Variants in KIF6 observed in about 807,000 individuals in gnomAD.
The protein encoded by KIF6 is kinesin-like protein KIF6.
Under a neutral mutation model 112.7 loss-of-function variants are expected in KIF6, and 106 were observed. The ratio of observed to expected loss-of-function variants is 0.94; its 90% CI spans 0.80 to 1.11. The LOEUF is 1.11. Ranked by LOEUF, KIF6 falls within the 50% of genes least tolerant of loss-of-function variation. The pLI is 0.00. For missense variants in KIF6, 929 were observed against 964.0 expected, an observed-to-expected ratio of 0.96 and a Z score of 0.48; for synonymous variants, 339 against 339.9, an observed-to-expected ratio of 1.00 and a Z score of 0.03.
chr6:39,353,035 T>G (rs1353543836), intron 19 of KIF6, among the ~76,000 whole-genome samples: 1 of 152,212 alleles, frequency 6.6e-6, no homozygotes. Context: ...TTCTGTTTTT[T>G]TTTGTGGACA....
chr6:39,642,952 C>T (rs1193314782), intron 3 of KIF6, among the ~76,000 whole-genome samples: 1 of 152,032 alleles, frequency 6.6e-6, no homozygotes, highest in Non-Finnish European at 1.5e-5. Flanking sequence ...TGTATGTAGG[C>T]TGGGAGATGG....
Position 39,331,906 on chromosome 6 carries a change from T to G in KIF6, c.*4626A>C, listed in dbSNP as rs549030915. 1.3e-5 allele frequency: 2 copies of G among 152,180 alleles called. No individual in the cohort carries two copies. Among genetic ancestry groups the G allele is most frequent in the Non-Finnish European group, 2.9e-5 (2 of 68,010 alleles). 9.4% of individuals were successfully genotyped at this position (152,180 alleles called of 1,614,324 possible). A position where few individuals can be genotyped will look rare whatever the true frequency, so the allele number is the denominator to read the frequency against. ...TTAAAAAATGTTTCTGTCTATTTAC[T>G]CTATCAACTGTGCCATGCCTGGGGC... On this transcript the variant is annotated 3_prime_UTR_variant, in exon 23 of 23. Coordinates refer to ENST00000287152, the MANE Select transcript of KIF6 (RefSeq NM_145027.6).
intron 3 of KIF6, among the ~76,000 whole-genome samples, chr6:39,661,721 T>C (rs997469129): frequency 6.6e-6 from 1 of 152,134 alleles, no homozygotes; most frequent in African/African-American, 2.4e-5. Context: ...AGGAGTACCC[T>C]GGGAGAACAA....
At chr6:39,385,167 C>A (rs1767304185) in intron 16 of KIF6, among the ~76,000 whole-genome samples, 1 of 152,214 alleles carries the variant, frequency 6.6e-6, no homozygotes, top group African/African-American at 2.4e-5. Flanking sequence ...CTGGTAAATG[C>A]ACTTACCTCT....
In KIF6 at chr6:39,444,816, G is replaced by C. The variant is rs62402234; in HGVS notation, c.1646-13655C>G. Among the ~76,000 whole-genome samples, 248 of 151,560 alleles carry C rather than the reference G, an allele frequency of 1.6e-3. 2 individuals carry two copies. Among genetic ancestry groups the C allele is most frequent in the Non-Finnish European group, 2.7e-3 (186 of 67,946 alleles). On this transcript the variant is annotated intron_variant, in intron 13 of 22. Transcript: ENST00000287152. The stretch of plus-strand genomic sequence containing the variant: ...CTGATATCAGACCTAAGGGTCAGAA[G>C]GTCAGAGATGGTTAAAAAAAAAAAA...
At chr6:39,637,881 C>T (rs1419946034) in intron 4 of KIF6, among the ~76,000 whole-genome samples, 1 of 151,990 alleles carries the variant, frequency 6.6e-6, no homozygotes, top group Non-Finnish European at 1.5e-5. Context: ...TAGGATCATT[C>T]AGAATGAAAT....
At chr6:39,454,531 CA>C (rs560119968) in intron 13 of KIF6, among the ~76,000 whole-genome samples, 8,033 of 75,954 alleles carry the variant, frequency 0.11, 277 homozygotes, top group African/African-American at 0.18. Flanking sequence ...CTGAGAGCAT[CA>C]AAAAAAAAAA....
rs182545789 is a variant in KIF6, at chr6:39,510,358, C to T, written c.1645+29645G>A. 1.0e-3 allele frequency among the ~76,000 whole-genome samples: 158 copies of T among 152,292 alleles called. 2 individuals carry two copies. The highest frequency in any genetic ancestry group is 3.6e-3 in the African/African-American group (148 of 41,560). On this transcript the variant is annotated intron_variant, in intron 13 of 22. Transcript: ENST00000287152. ...CCATCTGCCTCAGCCTCCCAAAGTG[C>T]TGGGATTACAGGCGTGAGCCACCAC... is the stretch of plus-strand genomic sequence containing the variant.
chr6:39,548,063 T>C (rs957561735), intron 10 of KIF6, among the ~76,000 whole-genome samples: 11 of 152,240 alleles, frequency 7.2e-5, no homozygotes, highest in African/African-American at 2.7e-4. Flanking sequence ...GAAAGCACTT[T>C]GTGATTTCCA....
intron 3 of KIF6, among the ~76,000 whole-genome samples, chr6:39,643,229 G>C (rs1784999943): frequency 6.6e-6 from 1 of 152,148 alleles, no homozygotes. Context: ...TCTTAACACT[G>C]TGTAGATGGC....
At chr6:39,561,634 G>A (rs1450814116) in intron 10 of KIF6, among the ~76,000 whole-genome samples, 4 of 152,100 alleles carry the variant, frequency 2.6e-5, no homozygotes, top group Non-Finnish European at 5.9e-5. Flanking sequence ...TGAGATTACA[G>A]GTGTGAGCCG....
intron 6 of KIF6, among the ~76,000 whole-genome samples, chr6:39,598,272 C>A (rs1582235061): frequency 6.6e-6 from 1 of 151,932 alleles, no homozygotes; most frequent in African/African-American, 2.4e-5. Flanking sequence ...GACTAGGTAA[C>A]TCATAAGGAA....
intron 15 of KIF6, among the ~76,000 whole-genome samples, chr6:39,408,349 C>T (rs1412550804): frequency 1.3e-5 from 2 of 152,144 alleles, no homozygotes; most frequent in Non-Finnish European, 2.9e-5. Context: ...TATACTGTTG[C>T]TCCCCCTAAT....
intron 13 of KIF6, among the ~76,000 whole-genome samples, chr6:39,443,692 C>G (rs915316163): frequency 6.6e-6 from 1 of 152,134 alleles, no homozygotes; most frequent in Non-Finnish European, 1.5e-5. Context: ...GATCTGCCCA[C>G]CGTGACCTCC....
intron 10 of KIF6, among the ~76,000 whole-genome samples, chr6:39,571,741 G>C (rs1305526263): frequency 6.6e-6 from 1 of 152,158 alleles, no homozygotes; most frequent in African/African-American, 2.4e-5. Context: ...CATCTGTCTA[G>C]TCCTATTCTT....
At position 39,470,556 on chromosome 6, in the gene KIF6, G is replaced by T. The variant is rs185559067; in HGVS notation, c.1646-39395C>A. ...GTGAAACCCAGGAGGATGATTGCGGGGGAGGTCCTTTCATACTCCCCGGGT... is the reference window on the plus strand; with the variant it reads ...GTGAAACCCAGGAGGATGATTGCGGTGGAGGTCCTTTCATACTCCCCGGGT... On this transcript the variant is annotated intron_variant, in intron 13 of 22. Transcript: ENST00000287152. Among the ~76,000 whole-genome samples, 11 of 152,276 alleles carry T rather than the reference G, an allele frequency of 7.2e-5. 1 individual carries two copies. Among genetic ancestry groups the T allele is most frequent in the Admixed American group, 2.0e-4 (3 of 15,298 alleles).
chr6:39,712,531 G>A (rs1022832698), intron 3 of KIF6, among the ~76,000 whole-genome samples: 7 of 152,092 alleles, frequency 4.6e-5, no homozygotes, highest in Non-Finnish European at 1.0e-4. Flanking sequence ...TGTTTTAGTG[G>A]AGGCAAATAG....
intron 15 of KIF6, among the ~76,000 whole-genome samples, chr6:39,418,654 T>C (rs1770109604): frequency 6.6e-6 from 1 of 152,178 alleles, no homozygotes; most frequent in South Asian, 2.1e-4. Flanking sequence ...ATCAAGATCC[T>C]GGACCTTAGG....
rs55752326 is a variant in KIF6 at position 39,621,196 on chromosome 6, G to GACACACAC, written c.510-7886_510-7879dup. 9.8e-3 allele frequency among the ~76,000 whole-genome samples: 1,333 copies of GACACACAC among 135,984 alleles called. 4 individuals carry two copies. Among genetic ancestry groups the GACACACAC allele is most frequent in the African/African-American group, 0.023 (824 of 35,222 alleles). The allele number at this position is 135,984 out of a possible 152,430, so 89.2% of individuals were successfully genotyped here. A position where few individuals can be genotyped will look rare whatever the true frequency, so the allele number is the denominator to read the frequency against. On this transcript the variant is annotated intron_variant, in intron 5 of 22. Transcript: ENST00000287152. Reference sequence around the variant, plus strand: ...CTGTTTTAAATAACACCGTAAGATAGACACACACACACACACACACACACA... The same window carrying GACACACAC: ...CTGTTTTAAATAACACCGTAAGATAGACACACACACACACACACACACACACACACACA...
Sources: allele counts gnomAD v4.1 joint callset (sites outside exome capture counted in the v4.1 genomes callset), GRCh38; gene constraint gnomAD v4.1.1; transcripts MANE v1.5; gene names NCBI Gene and HGNC (gene_info 2026-07-23, HGNC 2026-07-21).